CDK1: variants seen among roughly 807,000 people sequenced by gnomAD.
CDK1 encodes cyclin dependent kinase 1.
A neutral mutation model predicts 34.6 loss-of-function variants in CDK1; 5 were observed. The observed-to-expected ratio is 0.14, with a 90% CI of 0.08 to 0.30. The LOEUF (loss-of-function observed/expected upper bound fraction) is 0.30, where lower values mean the gene tolerates loss of function less well. CDK1 is among the 10% of genes least tolerant of loss of function. The pLI is 1.00. For synonymous variants in CDK1, 108 were observed against 114.7 expected, an observed-to-expected ratio of 0.94 and a Z score of 0.37; for missense variants, 157 against 345.7, an observed-to-expected ratio of 0.45 and a Z score of 4.33.
chr10:60,790,266 C>T lies in CDK1; in HGVS notation c.490-1624C>T, dbSNP rs532251057. ...GTTTGTCTATTTGTTATTGCTGAGA[C>T]AGGGTCTTTCTCTGTCACCCATGCT... On this transcript the variant is annotated intron_variant, in intron 5 of 7. Transcript: ENST00000395284. 2.8e-4 allele frequency among the ~76,000 whole-genome samples: 42 copies of T among 152,216 alleles called. No individual in the cohort carries two copies. The South Asian group carries it at 8.5e-3, about 31-fold the overall frequency.
At chr10:60,780,078 A>G (rs1199914045) in intron 1 of CDK1, 63 bp from the exon 2 acceptor site, 2 of 791,744 alleles carry the variant, frequency 2.5e-6, no homozygotes, top group Non-Finnish European at 4.5e-6. Flanking sequence ...ATAGTGTTTC[A>G]TTAATGCTTA....
At chr10:60,787,291 A>G (rs3213054) in intron 4 of CDK1, among the ~76,000 whole-genome samples, 2,000 of 152,194 alleles carry the variant, frequency 0.013, 19 homozygotes, top group Non-Finnish European at 0.02. Context: ...TGTTTTGAGC[A>G]CAATTAAGGT....
At chr10:60,792,546 A>AT (rs5785467) in intron 7 of CDK1, among the ~76,000 whole-genome samples, 175 of 150,558 alleles carry the variant, frequency 1.2e-3, no homozygotes, top group African/African-American at 3.1e-3. Context: ...ATTAATACAC[A>AT]TTTTTTTTTT....
At chr10:60,782,935 T>A (rs761336250) in intron 2 of CDK1, among the ~76,000 whole-genome samples, 1 of 152,212 alleles carries the variant, frequency 6.6e-6, no homozygotes, top group Non-Finnish European at 1.5e-5. Flanking sequence ...TGGTTAATTG[T>A]TAATTCTGAA....
chr10:60,784,793 A>ACCC lies in CDK1; in HGVS notation c.126_127insCCC (p.Glu42_Gly43insPro). ...AAATCAGACTAGAAAGTGAAGAGGA[A>ACCC]GGGGTTCCTAGTACTGCAATTCGGG... On this transcript the variant is annotated inframe_insertion, in exon 3 of 8. Transcript: ENST00000395284. 1 of 1,612,550 alleles carries ACCC rather than the reference A, an allele frequency of 6.2e-7. No homozygotes were observed. Among genetic ancestry groups the ACCC allele is most frequent in the Non-Finnish European group, 8.5e-7 (1 of 1,178,582 alleles).
intron 2 of CDK1, among the ~76,000 whole-genome samples, chr10:60,782,733 A>G (rs372095611): frequency 6.6e-6 from 1 of 152,094 alleles, no homozygotes; most frequent in Non-Finnish European, 1.5e-5. Context: ...TTAGTTATTT[A>G]TACTTAGTTA....
At chr10:60,790,905 T>G (rs1424305297) in intron 5 of CDK1, among the ~76,000 whole-genome samples, 1 of 152,198 alleles carries the variant, frequency 6.6e-6, no homozygotes, top group East Asian at 1.9e-4. Flanking sequence ...TTTATACTAA[T>G]ATCATGATGT....
intron 5 of CDK1, among the ~76,000 whole-genome samples, chr10:60,791,277 A>T (rs1363501701): frequency 6.6e-6 from 1 of 152,092 alleles, no homozygotes; most frequent in South Asian, 2.1e-4. Context: ...TACCTATTGT[A>T]CATTAGATTG....
chr10:60,793,976 C>A lies in CDK1; in HGVS notation c.*1C>A, dbSNP rs943247974. On this transcript the variant is annotated 3_prime_UTR_variant, in exon 8 of 8. Coordinates refer to ENST00000395284, the MANE Select transcript of CDK1 (RefSeq NM_001786.5). ...GGACAATCAGATTAAGAAGATGTAGCTTTCTGACAAAAAGTTTCCATATGT... is the reference window on the plus strand; with the variant it reads ...GGACAATCAGATTAAGAAGATGTAGATTTCTGACAAAAAGTTTCCATATGT... 4.8e-6 allele frequency: 7 copies of A among 1,463,294 alleles called. No individual in the cohort carries two copies. The Admixed American group carries it at 1.2e-4, about 26-fold the overall frequency. 90.6% of individuals were successfully genotyped at this position (1,463,294 alleles called of 1,614,324 possible).
chr10:60,783,103 C>CATCTGGCACAATCTT (rs1182821087), intron 2 of CDK1, among the ~76,000 whole-genome samples: 3 of 152,104 alleles, frequency 2.0e-5, no homozygotes, highest in Non-Finnish European at 2.9e-5. Context: ...GATGATTGTG[C>CATCTGGCACAATCTT]TACTGGTTTA....
At chr10:60,781,524 T>G (rs2080273036) in intron 2 of CDK1, among the ~76,000 whole-genome samples, 1 of 152,214 alleles carries the variant, frequency 6.6e-6, no homozygotes, top group Non-Finnish European at 1.5e-5. Flanking sequence ...GGAAAGCATT[T>G]GTTATGAGCG....
rs371690253 is a variant in CDK1 at position 60,792,277 on chromosome 10, G to A, written c.783G>A (p.Leu261=). The change falls in exon 7 of 8, where the codon TTG becomes TTA. Residue 261 remains leucine (L), a synonymous_variant. Transcript: ENST00000395284. ...TCAAAAACTTGGATGAAAATGGCTT[G>A]GATTTGCTCTCGGTAAGGAGTGCCC... ...SHVKNLDENG[L]DLLSKMLIYD... 3.5e-5 allele frequency: 57 copies of A among 1,607,558 alleles called. No individual in the cohort carries two copies. Among genetic ancestry groups the A allele is most frequent in the African/African-American group, 3.5e-4 (26 of 74,480 alleles).
chr10:60,793,659 A>C (rs1261386629), intron 7 of CDK1, among the ~76,000 whole-genome samples: 1 of 152,072 alleles, frequency 6.6e-6, no homozygotes, highest in East Asian at 1.9e-4. Context: ...GGTTATTGAG[A>C]ATATCTATGA....
At chr10:60,780,019 T>C in intron 1 of CDK1, 122 bp from the exon 2 acceptor site, 1 of 650,934 alleles carries the variant, frequency 1.5e-6, no homozygotes, top group Non-Finnish European at 2.8e-6. Flanking sequence ...GTAATTAATA[T>C]TTATGGAATA....
chr10:60,790,622 A>G (rs2080353192), intron 5 of CDK1, among the ~76,000 whole-genome samples: 2 of 152,188 alleles, frequency 1.3e-5, no homozygotes, highest in South Asian at 4.1e-4. Flanking sequence ...GATCAATATC[A>G]ATAACAGTGT....
At position 60,788,077 on chromosome 10, in the gene CDK1, C is replaced by A. The variant is rs764225730; in HGVS notation, c.336C>A (p.Ile112=). The A allele has an allele frequency of 4.0e-6, 6 of 1,515,204 alleles. No individual in the cohort carries two copies. In the South Asian group the frequency reaches 4.2e-5, roughly 11 times the overall value. The allele number at this position is 1,515,204 out of a possible 1,614,324, so 93.9% of individuals were successfully genotyped here. The change falls in exon 5 of 8, where the codon ATC becomes ATA. Residue 112 remains isoleucine, a synonymous_variant. Transcript: ENST00000395284. ...SSLVKSYLYQ[I]LQGIVFCHSR... is the part of the protein sequence containing the mutation. ...TTTTCCAGAGTTATTTATACCAAAT[C>A]CTACAGGGGATTGTGTTTTGTCACT... is the stretch of plus-strand genomic sequence containing the variant.
chr10:60,786,360 T>A, intron 4 of CDK1: 1 of 813,530 alleles, frequency 1.2e-6, no homozygotes, highest in Non-Finnish European at 1.5e-6. Flanking sequence ...GGTGGACTTA[T>A]TTGCATATGT....
chr10:60,791,940 T>G lies in CDK1; in HGVS notation c.540T>G (p.Arg180=). ...RSPEVLLGSA[R]YSTPVDIWSI... ...CAGAAGTATTGCTGGGGTCAGCTCG[T>G]TACTCAACTCCAGTTGACATTTGGA... Residue 180 remains arginine, a synonymous_variant, in exon 6 of 8, where the codon CGT becomes CGG. Coordinates refer to ENST00000395284, the MANE Select transcript of CDK1 (RefSeq NM_001786.5). The G allele has an allele frequency of 6.2e-7, 1 of 1,613,022 alleles. No homozygotes were observed. Among genetic ancestry groups the G allele is most frequent in the Non-Finnish European group, 8.5e-7 (1 of 1,179,180 alleles).
rs3213055 is a variant in CDK1 at position 60,787,915 on chromosome 10, C to T, written c.319-145C>T. 3.8e-3 allele frequency: 1,722 copies of T among 447,682 alleles called. 28 individuals are homozygous for T. Among genetic ancestry groups the T allele is most frequent in the African/African-American group, 0.03 (1,521 of 50,064 alleles). The allele number at this position is 447,682 out of a possible 1,614,324, so 27.7% of individuals were successfully genotyped here. On this transcript the variant is annotated intron_variant, in intron 4 of 7. Transcript: ENST00000395284. ...TGTTGTATATAAATGGGCTTCCCAC[C>T]CACAAATGCTTATTAGCCTAAAATG...
Sources: gnomAD v4.1 joint callset for allele counts (sites outside exome capture counted in the v4.1 genomes callset) on GRCh38, gnomAD v4.1.1 for gene constraint, MANE v1.5 for transcripts, NCBI Gene and HGNC (gene_info 2026-07-23, HGNC 2026-07-21) for gene names.